CSMD3: variants seen among roughly 807,000 people sequenced by gnomAD.
CSMD3 encodes CUB and Sushi multiple domains 3.
In CSMD3, 177 loss-of-function variants were observed where a neutral mutation model predicts 435.2. That is an observed-to-expected ratio of 0.41 (90% CI 0.36 to 0.46). The LOEUF is 0.46. CSMD3 is among the 20% of genes least tolerant of loss of function. The pLI is 0.34. For synonymous variants in CSMD3, 1,656 were observed against 1,520.5 expected (o/e 1.09, Z -2.07); for missense variants, 4,265 against 4,504.6 (o/e 0.95, Z 1.52).
At chr8:113,244,960 T>C (rs1474741047) in intron 3 of CSMD3, among the ~76,000 whole-genome samples, 1 of 152,174 alleles carries the variant, frequency 6.6e-6, no homozygotes, top group Non-Finnish European at 1.5e-5. Flanking sequence ...ATTTTTGCTA[T>C]TTGTAGTTTT....
At chr8:112,385,918 T>C (rs1339767830) in intron 36 of CSMD3, among the ~76,000 whole-genome samples, 8 of 152,118 alleles carry the variant, frequency 5.3e-5, no homozygotes, top group Non-Finnish European at 7.3e-5. Context: ...CAGGTTCTGA[T>C]CTCTGGAACC....
At chr8:113,088,064 C>T (rs1191016119) in intron 5 of CSMD3, among the ~76,000 whole-genome samples, 1 of 149,252 alleles carries the variant, frequency 6.7e-6, no homozygotes, top group Non-Finnish European at 1.5e-5. Flanking sequence ...TGAACAGACA[C>T]TTCTCAAAAG....
chr8:113,314,674 GTTC>G lies in CSMD3; in HGVS notation c.295_297del (p.Glu99del). ...TGAAAAACAATTTGTATTCTATTTC[GTTC>G]TTCTGCTATTATTACCCATGTGCAG... is the stretch of plus-strand genomic sequence containing the variant. On this transcript the variant is annotated inframe_deletion, in exon 2 of 71. Coordinates refer to ENST00000297405, the MANE Select transcript of CSMD3 (RefSeq NM_198123.2). The G allele has an allele frequency of 6.2e-7, 1 of 1,610,322 alleles. No individual in the cohort carries two copies. Among genetic ancestry groups the G allele is most frequent in the Non-Finnish European group, 8.5e-7 (1 of 1,176,942 alleles).
At chr8:112,901,669 A>C (rs934426941) in intron 10 of CSMD3, among the ~76,000 whole-genome samples, 1 of 151,300 alleles carries the variant, frequency 6.6e-6, no homozygotes, top group African/African-American at 2.4e-5. Context: ...AAAGACAAGG[A>C]TGATCAGGGA....
intron 13 of CSMD3, among the ~76,000 whole-genome samples, chr8:112,770,407 T>C (rs1045340910): frequency 1.3e-5 from 2 of 152,044 alleles, no homozygotes; most frequent in Admixed American, 6.6e-5. Context: ...TGGAAACAGA[T>C]ACTTTATTCC....
chr8:113,029,702 C>G (rs2087011232), intron 5 of CSMD3, among the ~76,000 whole-genome samples: 1 of 151,530 alleles, frequency 6.6e-6, no homozygotes, highest in Non-Finnish European at 1.5e-5. Flanking sequence ...AGCATTCCCT[C>G]TGAGAACTGG....
At chr8:113,409,425 A>G (rs2129756756) in intron 1 of CSMD3, among the ~76,000 whole-genome samples, 1 of 152,100 alleles carries the variant, frequency 6.6e-6, no homozygotes, top group East Asian at 1.9e-4. Context: ...TTTAGTTCCT[A>G]TCTCTTTTCA....
chr8:112,909,550 A>G (rs2082351516), intron 10 of CSMD3, among the ~76,000 whole-genome samples: 1 of 151,844 alleles, frequency 6.6e-6, no homozygotes, highest in African/African-American at 2.4e-5. Flanking sequence ...ACTTTTGACA[A>G]ACTTTAAAAA....
intron 32 of CSMD3, among the ~76,000 whole-genome samples, chr8:112,412,697 C>G (rs1811485835): frequency 6.6e-6 from 1 of 152,058 alleles, no homozygotes; most frequent in South Asian, 2.1e-4. Flanking sequence ...GAAACTATAT[C>G]TGAGCCTATT....
chr8:112,499,911 C>T (rs1005680526), intron 30 of CSMD3, among the ~76,000 whole-genome samples: 8 of 151,854 alleles, frequency 5.3e-5, no homozygotes, highest in Non-Finnish European at 1.0e-4. Context: ...GAGTTTGAGA[C>T]CAGCCTGGTC....
chr8:112,682,508 C>T lies in CSMD3; in HGVS notation c.2611G>A (p.Glu871Lys), dbSNP rs753251128. ...TCCATAAGAATACATGTAATTGTTT[C>T]TGTTCCCTGGGTTTTAATAAATCCT... The part of the protein sequence containing the change: ...EEGFIKTQGT[E>K]TITCILMDGK... Residue 871 changes from glutamate to lysine, a missense_variant, in exon 16 of 71, where the codon GAA becomes AAA. Around this residue, in one of 3 missense-constraint regions of CSMD3, gnomAD observed 279 missense variants for 369.0 expected, o/e 0.76. Coordinates refer to ENST00000297405, the MANE Select transcript of CSMD3 (RefSeq NM_198123.2). 2.5e-6 allele frequency: 4 copies of T among 1,613,610 alleles called. No homozygotes were observed. The highest frequency in any genetic ancestry group is 8.5e-7 in the Non-Finnish European group (1 of 1,179,792).
chr8:112,696,483 C>A (rs1447956924), intron 13 of CSMD3, among the ~76,000 whole-genome samples: 1 of 152,176 alleles, frequency 6.6e-6, no homozygotes, highest in Non-Finnish European at 1.5e-5. Context: ...GAAAGGATTC[C>A]CTATTTAATA....
At chr8:113,006,214 TA>T (rs1471232498) in intron 6 of CSMD3, among the ~76,000 whole-genome samples, 1 of 152,066 alleles carries the variant, frequency 6.6e-6, no homozygotes, top group Non-Finnish European at 1.5e-5. Context: ...CGTCCTGGAT[TA>T]AAATCCTATT....
chr8:112,467,862 G>T (rs562676769), intron 32 of CSMD3, among the ~76,000 whole-genome samples: 1 of 152,100 alleles, frequency 6.6e-6, no homozygotes, highest in Non-Finnish European at 1.5e-5. Context: ...AGCAATGAAG[G>T]ATGCTTCTCT....
At chr8:112,527,272 C>T (rs1825071456) in intron 27 of CSMD3, among the ~76,000 whole-genome samples, 1 of 151,322 alleles carries the variant, frequency 6.6e-6, no homozygotes, top group South Asian at 2.1e-4. Context: ...TAAAAGGCAT[C>T]ATATGATATA....
intron 11 of CSMD3, among the ~76,000 whole-genome samples, chr8:112,855,592 A>C (rs1467932209): frequency 7.9e-5 from 12 of 152,050 alleles, no homozygotes; most frequent in Admixed American, 7.9e-4. Flanking sequence ...GGGATGAAAA[A>C]ATAGATGGAT....
chr8:112,928,173 G>A (rs902900451), intron 9 of CSMD3, among the ~76,000 whole-genome samples: 12 of 152,026 alleles, frequency 7.9e-5, no homozygotes, highest in African/African-American at 2.7e-4. Flanking sequence ...TCCAAAAGAA[G>A]CAATATTCTG....
intron 1 of CSMD3, among the ~76,000 whole-genome samples, chr8:113,324,563 T>C (rs904850770): frequency 6.6e-6 from 1 of 152,128 alleles, no homozygotes; most frequent in Non-Finnish European, 1.5e-5. Context: ...AGAAGATGTA[T>C]GATAACACCT....
rs1256344514 is a variant in CSMD3 at position 112,244,469 on chromosome 8, A to G, written c.10327T>C (p.Phe3443Leu). The G allele has an allele frequency of 3.2e-5, 52 of 1,613,862 alleles. No individual in the cohort carries two copies. Among genetic ancestry groups the G allele is most frequent in the Non-Finnish European group, 4.3e-5 (51 of 1,179,882 alleles). The change falls in exon 65 of 71, where the codon TTC (phenylalanine) becomes CTC (leucine). Residue 3443 changes from phenylalanine (F) to leucine (L), a missense_variant. Physicochemically the swap from Phe to Leu is conservative, Grantham distance 22. Around this residue, in one of 3 missense-constraint regions of CSMD3, gnomAD observed 3,255 missense variants for 3,380.2 expected, o/e 0.96. Coordinates refer to ENST00000297405, the MANE Select transcript of CSMD3 (RefSeq NM_198123.2). Reference sequence around the variant, plus strand: ...CTATGTTCTGTTCCACCTGCTAAGAAGAAGCCAGGCTGACAGGTATAAATC... The same window carrying G: ...CTATGTTCTGTTCCACCTGCTAAGAGGAAGCCAGGCTGACAGGTATAAATC... ...TLIYTCQPGF[F>L]LAGGTEHRVC...
Sources: allele counts gnomAD v4.1 joint callset (sites outside exome capture counted in the v4.1 genomes callset), GRCh38; gene constraint gnomAD v4.1.1; regional missense constraint gnomAD v4.1.1; transcripts MANE v1.5; gene names NCBI Gene and HGNC (gene_info 2026-07-23, HGNC 2026-07-21).